PSD3: variants seen among roughly 807,000 people sequenced by gnomAD.
PSD3 encodes PH and SEC7 domain-containing protein 3.
A neutral mutation model predicts 105.5 loss-of-function variants in PSD3; 49 were observed. That is an observed-to-expected ratio of 0.46 (90% confidence interval 0.37 to 0.59). The LOEUF (loss-of-function observed/expected upper bound fraction) is 0.59. Ranked by LOEUF, PSD3 falls within the 20% of genes least tolerant of loss-of-function variation. The pLI is 0.00. For missense variants in PSD3, 1,561 were observed against 1,263.8 expected, an observed-to-expected ratio of 1.24 and a Z score of -3.57; for synonymous variants, 557 against 457.8, an observed-to-expected ratio of 1.22 and a Z score of -2.77.
chr8:19,050,150 AG>A, intron 1 of PSD3, among the ~76,000 whole-genome samples: 1 of 152,336 alleles, frequency 6.6e-6, no homozygotes, highest in South Asian at 2.1e-4. Context: ...TTAGTCTTTG[AG>A]GACTGCAATT....
chr8:18,801,511 C>A, intron 6 of PSD3, 129 bp from the exon 7 acceptor site: 1 of 553,030 alleles, frequency 1.8e-6, no homozygotes, highest in Non-Finnish European at 3.2e-6. Flanking sequence ...GAAGTTATCT[C>A]CCCCCAAAAA....
intron 1 of PSD3, among the ~76,000 whole-genome samples, chr8:18,939,278 C>T (rs1822366296): frequency 6.6e-6 from 1 of 152,158 alleles, no homozygotes; most frequent in Non-Finnish European, 1.5e-5. Flanking sequence ...GGGTGATTTA[C>T]ATATTTATTT....
In PSD3 at chr8:18,628,407, C is replaced by T. The variant is rs1806649976; in HGVS notation, c.2410+4206G>A. Among the ~76,000 whole-genome samples the T allele has an allele frequency of 3.3e-5, 5 of 151,720 alleles. No individual in the cohort carries two copies. In the South Asian group the frequency reaches 1.0e-3, roughly 31 times the overall value. On this transcript the variant is annotated intron_variant, in intron 11 of 15. Transcript: ENST00000327040. ...ATAGGAGACTTTTTTTGTCTGAAATCCTGCAGGGCAGGGAAAAATGAAACA... is the reference window on the plus strand; with the variant it reads ...ATAGGAGACTTTTTTTGTCTGAAATTCTGCAGGGCAGGGAAAAATGAAACA...
In PSD3 at chr8:18,599,663, C is replaced by T. The variant is rs190935855; in HGVS notation, c.2481+701G>A. Among the ~76,000 whole-genome samples, 96 of 152,208 alleles carry T rather than the reference C, an allele frequency of 6.3e-4. 1 individual carries two copies. Among genetic ancestry groups the T allele is most frequent in the African/African-American group, 2.2e-3 (91 of 41,528 alleles). On this transcript the variant is annotated intron_variant, in intron 12 of 15. Transcript: ENST00000327040. Reference sequence around the variant, plus strand: ...TGAACTGTACAGATCCACTAATATGCAGACTGTTTTCCATCAAATGAGGAC... The same window carrying T: ...TGAACTGTACAGATCCACTAATATGTAGACTGTTTTCCATCAAATGAGGAC...
intron 1 of PSD3, among the ~76,000 whole-genome samples, chr8:19,077,421 G>T (rs986790457): frequency 3.9e-5 from 6 of 152,008 alleles, no homozygotes; most frequent in Admixed American, 2.0e-4. Flanking sequence ...AACATGAAGG[G>T]CAGCCAAAAA....
chr8:18,813,932 G>A (rs1811944972), intron 4 of PSD3, among the ~76,000 whole-genome samples: 1 of 152,154 alleles, frequency 6.6e-6, no homozygotes, highest in African/African-American at 2.4e-5. Flanking sequence ...AACACCACCA[G>A]CATCATTAAG....
chr8:18,660,427 A>G (rs79417998), intron 9 of PSD3, among the ~76,000 whole-genome samples: 2,739 of 152,224 alleles, frequency 0.018, 82 homozygotes, highest in African/African-American at 0.062. Flanking sequence ...GTTTGTGGTA[A>G]TTTGTTTCAG....
In PSD3 at chr8:18,677,873, G is replaced by A. The variant is rs575317347; in HGVS notation, c.2173-22188C>T. ...AAAATACAAAAAATTAGCCAGGCGTGGTGGCGGGTGCCTGTAGTCCCAGCT... is the reference window on the plus strand; with the variant it reads ...AAAATACAAAAAATTAGCCAGGCGTAGTGGCGGGTGCCTGTAGTCCCAGCT... On this transcript the variant is annotated intron_variant, in intron 9 of 15. Coordinates refer to ENST00000327040, the MANE Select transcript of PSD3 (RefSeq NM_015310.4). Among the ~76,000 whole-genome samples the A allele has an allele frequency of 1.4e-3, 218 of 152,170 alleles. 1 individual carries two copies. Among genetic ancestry groups the A allele is most frequent in the South Asian group, 0.013 (63 of 4,814 alleles).
chr8:18,952,587 T>C lies in PSD3; in HGVS notation c.22-16445A>G, dbSNP rs142584767. Among the ~76,000 whole-genome samples the C allele has an allele frequency of 1.8e-4, 28 of 152,322 alleles. No homozygotes were observed. In the East Asian group the frequency reaches 5.4e-3, roughly 29 times the overall value. On this transcript the variant is annotated intron_variant, in intron 1 of 15. Coordinates refer to ENST00000327040, the MANE Select transcript of PSD3 (RefSeq NM_015310.4). ...GCTGTGAGAGACTGATAACAAATCATCTTGTGAACAAGAACAAATGAATTA... is the reference window on the plus strand; with the variant it reads ...GCTGTGAGAGACTGATAACAAATCACCTTGTGAACAAGAACAAATGAATTA...
At chr8:19,078,349 A>C (rs1829526049) in intron 1 of PSD3, among the ~76,000 whole-genome samples, 1 of 152,330 alleles carries the variant, frequency 6.6e-6, no homozygotes, top group African/African-American at 2.4e-5. Flanking sequence ...ATCTCCCCAA[A>C]GTCTATAACA....
upstream of PSD3, among the ~76,000 whole-genome samples, chr8:19,018,358 T>TAA (rs1827240105): frequency 1.7e-5 from 2 of 119,330 alleles, no homozygotes; most frequent in African/African-American, 7.0e-5. Context: ...AATGCTCTTT[T>TAA]TAAAAAAAAA....
upstream of PSD3, among the ~76,000 whole-genome samples, chr8:19,017,734 C>T (rs920210274): frequency 3.9e-5 from 6 of 152,178 alleles, no homozygotes; most frequent in African/African-American, 1.4e-4. Flanking sequence ...TAGCATATAT[C>T]AGAACTTCAT....
chr8:18,797,430 C>T (rs1810287263), intron 8 of PSD3, among the ~76,000 whole-genome samples: 1 of 152,086 alleles, frequency 6.6e-6, no homozygotes, highest in African/African-American at 2.4e-5. Flanking sequence ...ATCCCAGTTG[C>T]CAAGAAGAAG....
chr8:18,914,879 C>A (rs334744), intron 2 of PSD3, among the ~76,000 whole-genome samples: 111,814 of 152,030 alleles, frequency 0.74, 42,055 homozygotes, highest in African/African-American at 0.92. Flanking sequence ...AGAACCAAAA[C>A]AGACCCCAAA....
chr8:18,645,811 T>C (rs1585486213), intron 10 of PSD3, among the ~76,000 whole-genome samples: 1 of 152,286 alleles, frequency 6.6e-6, no homozygotes, highest in African/African-American at 2.4e-5. Flanking sequence ...ATTCCTTCTG[T>C]TTCTCCCAAC....
At chr8:18,744,530 A>G (rs573261744) in intron 9 of PSD3, among the ~76,000 whole-genome samples, 15 of 152,310 alleles carry the variant, frequency 9.8e-5, no homozygotes, top group African/African-American at 3.4e-4. Flanking sequence ...TATTGTATAC[A>G]ATGCTGCTTT....
intron 12 of PSD3, among the ~76,000 whole-genome samples, chr8:18,578,664 T>C (rs993502351): frequency 3.3e-5 from 5 of 152,148 alleles, no homozygotes; most frequent in South Asian, 2.1e-4. Flanking sequence ...TCTTCGAGTA[T>C]ATTATCTGCT....
At chr8:18,586,290 TC>T (rs1803181101) in intron 12 of PSD3, among the ~76,000 whole-genome samples, 1 of 152,216 alleles carries the variant, frequency 6.6e-6, no homozygotes, top group South Asian at 2.1e-4. Flanking sequence ...CTGTGTAATT[TC>T]AGCTGTGCCT....
intron 4 of PSD3, among the ~76,000 whole-genome samples, chr8:18,829,593 T>C (rs1813515615): frequency 6.6e-6 from 1 of 152,214 alleles, no homozygotes; most frequent in African/African-American, 2.4e-5. Context: ...GCTCATGTTA[T>C]TGTTTCCTAA....
Sources: gnomAD v4.1 joint callset for allele counts (sites outside exome capture counted in the v4.1 genomes callset) on GRCh38, gnomAD v4.1.1 for gene constraint, MANE v1.5 for transcripts, NCBI Gene and HGNC (gene_info 2026-07-23, HGNC 2026-07-21) for gene names.